The following RYR1 variants were observed in gnomAD, a reference collection of about 807,000 sequenced individuals.
RYR1 encodes the protein central core disease of muscle.
In RYR1, 342 loss-of-function variants were observed where a neutral mutation model predicts 583.5. That is an observed-to-expected ratio of 0.59 (90% CI 0.54 to 0.64). The LOEUF (loss-of-function observed/expected upper bound fraction) is 0.64. Ranked by LOEUF, RYR1 falls within the 30% of genes least tolerant of loss-of-function variation. The probability of loss-of-function intolerance (pLI) is 0.00; values close to 1 mark genes in which losing one functional copy is unlikely to be tolerated. For synonymous variants in RYR1, 2,791 were observed against 2,822.5 expected (o/e 0.99, Z 0.35); for missense variants, 6,032 against 6,917.2 (o/e 0.87, Z 4.54).
Position 38,567,808 on chromosome 19 carries a change from C to G in RYR1, c.13550C>G (p.Pro4517Arg). 6.2e-7 allele frequency: 1 copy of G among 1,614,188 alleles called. No homozygotes were observed. Among genetic ancestry groups the G allele is most frequent in the Middle Eastern group, 1.7e-4 (1 of 6,058 alleles). ...GGGGAGAAGGAAGAAGTTCCCGAGC[C>G]CACACCAGAGCCCCCCAAGAAGCAA... ...ENGEKEEVPE[P>R]TPEPPKKQAP... The change falls in exon 93 of 106, where the codon CCC becomes CGC. Residue 4517 changes from proline (P) to arginine (R), a missense_variant. Pro to Arg is a moderately radical substitution (Grantham distance 103). Coordinates refer to ENST00000359596, the MANE Select transcript of RYR1 (RefSeq NM_000540.3).
At position 38,499,465 on chromosome 19, in the gene RYR1, A is replaced by G. The variant is rs367700126; in HGVS notation, c.7028-170A>G. Reference sequence around the variant, plus strand: ...CTGGCGGGAGCCTGGTGTTACCCCTAGAGGTGTTGGGTCCTGGGGCTGGCA... The same window carrying G: ...CTGGCGGGAGCCTGGTGTTACCCCTGGAGGTGTTGGGTCCTGGGGCTGGCA... On this transcript the variant is annotated intron_variant, in intron 43 of 105. Transcript: ENST00000359596. The surrounding 1 kb of genome is among the most constrained non-coding windows in gnomAD (Gnocchi z 7.3). Among the ~76,000 whole-genome samples, 18 of 120,904 alleles carry G rather than the reference A, an allele frequency of 1.5e-4. No individual in the cohort carries two copies. The East Asian group carries it at 2.2e-3, about 15-fold the overall frequency. The allele number at this position is 120,904 out of a possible 152,430, so 79.3% of individuals were successfully genotyped here.
chr19:38,481,242 T>G (rs1253920532), intron 31 of RYR1, among the ~76,000 whole-genome samples: 2 of 152,088 alleles, frequency 1.3e-5, no homozygotes, highest in African/African-American at 4.8e-5. Context: ...TCCTCCCACC[T>G]CAGCCTCCCA....
intron 58 of RYR1, among the ~76,000 whole-genome samples, chr19:38,508,446 TC>T (rs1450057172): frequency 1.3e-5 from 2 of 152,180 alleles, no homozygotes; most frequent in Non-Finnish European, 2.9e-5. Flanking sequence ...TCTCTCGACC[TC>T]GTGATCTGCC....
Position 38,561,755 on chromosome 19 carries a change from C to G in RYR1, c.12624+301C>G, listed in dbSNP as rs543270143. Among the ~76,000 whole-genome samples the G allele has an allele frequency of 2.6e-5, 4 of 152,142 alleles. No homozygotes were observed. Among genetic ancestry groups the G allele is most frequent in the Non-Finnish European group, 5.9e-5 (4 of 68,008 alleles). On this transcript the variant is annotated intron_variant, in intron 90 of 105. Coordinates refer to ENST00000359596, the MANE Select transcript of RYR1 (RefSeq NM_000540.3). The surrounding 1 kb of genome is among the most constrained non-coding windows in gnomAD (Gnocchi z 4.8). ...CACACGCCATGCTTTCCCCTTACAC[C>G]CACACCCTGGGAGCTCTGGCAGGCC...
chr19:38,485,478 C>T (rs761211903), intron 33 of RYR1, 112 bp from the exon 34 acceptor site: 89 of 1,436,708 alleles, frequency 6.2e-5, no homozygotes, highest in Non-Finnish European at 7.5e-5. Context: ...GAAGGAAAGA[C>T]GAATGAATAA....
chr19:38,493,458 C>T (rs899587219), intron 38 of RYR1, among the ~76,000 whole-genome samples: 9 of 151,428 alleles, frequency 5.9e-5, no homozygotes, highest in African/African-American at 1.2e-4. Flanking sequence ...GAAATACAGC[C>T]GAGGGGGGAA....
chr19:38,464,537 G>C (rs927438969), intron 22 of RYR1, 102 bp from the exon 23 acceptor site: 7 of 944,396 alleles, frequency 7.4e-6, no homozygotes, highest in Non-Finnish European at 1.0e-5. Context: ...AGGCACTGAA[G>C]CAGCAGAGGT....
At position 38,444,580 on chromosome 19, in the gene RYR1, C is replaced by T. The variant is rs1476453647; in HGVS notation, c.538-4C>T. On this transcript the variant is annotated splice_polypyrimidine_tract_variant and splice_region_variant and intron_variant, in intron 6 of 105. Transcript: ENST00000359596. This position sits in a 1 kb window ranked among gnomAD's most constrained non-coding sequence, Gnocchi z 5.1. ...TCTGACTGCCGCATCCTGGTGGCCC[C>T]CAGCACCTGTCGACCGCCAGTGGGG... 6.2e-7 allele frequency: 1 copy of T among 1,613,128 alleles called. No individual in the cohort carries two copies. Among genetic ancestry groups the T allele is most frequent in the Non-Finnish European group, 8.5e-7 (1 of 1,179,596 alleles).
At chr19:38,557,382 AC>A (rs1380599972) in intron 89 of RYR1, among the ~76,000 whole-genome samples, 2 of 152,196 alleles carry the variant, frequency 1.3e-5, no homozygotes. Context: ...AACGAAATAC[AC>A]GAAGTAATTG....
chr19:38,476,567 A>G (rs1365508645), intron 29 of RYR1, among the ~76,000 whole-genome samples: 2 of 152,144 alleles, frequency 1.3e-5, no homozygotes, highest in Non-Finnish European at 2.9e-5. Flanking sequence ...CCCCGACCTC[A>G]AATGATCCTA....
At chr19:38,440,902 G>T (rs376787989) in intron 2 of RYR1, 38 bp downstream of exon 2, 2 of 1,595,360 alleles carry the variant, frequency 1.3e-6, no homozygotes, top group African/African-American at 1.3e-5. Flanking sequence ...GGACAGGGGC[G>T]TCTGAAGGGG....
At chr19:38,462,198 G>C (rs1219217151) in intron 20 of RYR1, among the ~76,000 whole-genome samples, 1 of 152,170 alleles carries the variant, frequency 6.6e-6, no homozygotes, top group Non-Finnish European at 1.5e-5. Context: ...TCCCCTCCCT[G>C]AGCCTCAGTT....
At chr19:38,441,972 G>A (rs1440966805) in intron 2 of RYR1, among the ~76,000 whole-genome samples, 2 of 151,840 alleles carry the variant, frequency 1.3e-5, no homozygotes, top group Non-Finnish European at 2.9e-5. Flanking sequence ...CTGCAGAGGA[G>A]GACACAGAAC....
chr19:38,448,633 TC>T lies in RYR1; in HGVS notation c.958-12del. The stretch of plus-strand genomic sequence containing the variant: ...CACAGGCAGAGGAGGCTGACCTGTG[TC>T]CCCTGCCCCTGTAGGAGAAGCTGGA... On this transcript the variant is annotated splice_polypyrimidine_tract_variant and intron_variant, in intron 10 of 105. Coordinates refer to ENST00000359596, the MANE Select transcript of RYR1 (RefSeq NM_000540.3). 1 of 1,614,104 alleles carries T rather than the reference TC, an allele frequency of 6.2e-7. No homozygotes were observed. The highest frequency in any genetic ancestry group is 8.5e-7 in the Non-Finnish European group (1 of 1,180,008).
At chr19:38,532,214 C>CG (rs961033531) in intron 76 of RYR1, among the ~76,000 whole-genome samples, 10 of 151,880 alleles carry the variant, frequency 6.6e-5, no homozygotes, top group Admixed American at 2.6e-4. Flanking sequence ...CTCTGCCTCC[C>CG]GGGTTCAAGC....
In RYR1 at chr19:38,500,148, A is replaced by G; in HGVS notation, c.7323+132A>G. The G allele has an allele frequency of 1.2e-6, 1 of 817,308 alleles. No homozygotes were observed. Among genetic ancestry groups the G allele is most frequent in the Admixed American group, 2.0e-5 (1 of 50,138 alleles). The allele number at this position is 817,308 out of a possible 1,614,324, so 50.6% of individuals were successfully genotyped here. On this transcript the variant is annotated intron_variant, in intron 45 of 105. Coordinates refer to ENST00000359596, the MANE Select transcript of RYR1 (RefSeq NM_000540.3). This position sits in a 1 kb window ranked among gnomAD's most constrained non-coding sequence, Gnocchi z 5.9. ...GTCCTGGACTAGCAATGTTGGGGACACAACAGTGACCAAGACAGCCCCAGG... is the reference window on the plus strand; with the variant it reads ...GTCCTGGACTAGCAATGTTGGGGACGCAACAGTGACCAAGACAGCCCCAGG...
At chr19:38,568,039 C>T in intron 93 of RYR1, 122 bp downstream of exon 93, 2 of 1,206,274 alleles carry the variant, frequency 1.7e-6, no homozygotes, top group Non-Finnish European at 2.4e-6. Flanking sequence ...AAGAAGAACC[C>T]TAGCTGGGGA....
intron 29 of RYR1, among the ~76,000 whole-genome samples, chr19:38,476,443 C>T (rs946061698): frequency 1.3e-5 from 2 of 152,114 alleles, no homozygotes; most frequent in South Asian, 2.1e-4. Flanking sequence ...GTGGTCTACC[C>T]GCCTCGGTCT....
chr19:38,444,337 G>C lies in RYR1; in HGVS notation c.537+76G>C. On this transcript the variant is annotated intron_variant, in intron 6 of 105. Transcript: ENST00000359596. The surrounding 1 kb of genome is among the most constrained non-coding windows in gnomAD (Gnocchi z 5.1). ...GTCCCCATCTTCTCACCATGGGTTT[G>C]CCTGGCTGATCTCCCACCCCCAAGG... is the stretch of plus-strand genomic sequence containing the variant. 1 of 1,228,532 alleles carries C rather than the reference G, an allele frequency of 8.1e-7. No individual in the cohort carries two copies. The highest frequency in any genetic ancestry group is 2.5e-5 in the East Asian group (1 of 40,402). 76.1% of individuals were successfully genotyped at this position (1,228,532 alleles called of 1,614,324 possible).
Sources: gnomAD v4.1 joint callset for allele counts (sites outside exome capture counted in the v4.1 genomes callset) on GRCh38, gnomAD v4.1.1 for gene constraint, Gnocchi (gnomAD v3.1) non-coding constraint, MANE v1.5 for transcripts, NCBI Gene and HGNC (gene_info 2026-07-23, HGNC 2026-07-21) for gene names.